The following TRAPPC9 variants were observed in gnomAD, a reference collection of about 807,000 sequenced individuals.
TRAPPC9 encodes trafficking protein particle complex subunit 9.
In TRAPPC9, 83 loss-of-function variants were observed where a neutral mutation model predicts 124.0. The observed-to-expected ratio is 0.67, with a 90% CI of 0.56 to 0.80. TRAPPC9 has a LOEUF of 0.80. Among genes scored for constraint, TRAPPC9 ranks in the 30% least tolerant of loss-of-function variants. TRAPPC9 has a pLI of 0.00. For missense variants in TRAPPC9, 1,302 were observed against 1,508.3 expected, an observed-to-expected ratio of 0.86 and a Z score of 2.27; for synonymous variants, 638 against 617.5, an observed-to-expected ratio of 1.03 and a Z score of -0.49.
chr8:139,852,793 T>C (rs919619735), intron 21 of TRAPPC9, among the ~76,000 whole-genome samples: 1 of 152,210 alleles, frequency 6.6e-6, no homozygotes, highest in African/African-American at 2.4e-5. Context: ...GATGTGTGTT[T>C]CTGATTGATG....
chr8:139,860,407 T>A (rs929228056), intron 21 of TRAPPC9, among the ~76,000 whole-genome samples: 6 of 152,328 alleles, frequency 3.9e-5, no homozygotes, highest in African/African-American at 1.4e-4. Flanking sequence ...GCTGCCATCA[T>A]AATTCTGTGC....
chr8:139,761,655 G>C (rs1177231889), intron 21 of TRAPPC9, among the ~76,000 whole-genome samples: 6 of 152,062 alleles, frequency 3.9e-5, no homozygotes, highest in African/African-American at 2.4e-5. Flanking sequence ...CAGCAAACTT[G>C]ATGACCTTGC....
At chr8:139,901,678 GGCTTCC>G in intron 20 of TRAPPC9, among the ~76,000 whole-genome samples, 1 of 152,232 alleles carries the variant, frequency 6.6e-6, no homozygotes, top group East Asian at 1.9e-4. Flanking sequence ...CATCTCCATA[GGCTTCC>G]TCTGGTAAGT....
At chr8:139,877,964 T>A (rs1829435760) in intron 21 of TRAPPC9, among the ~76,000 whole-genome samples, 1 of 152,184 alleles carries the variant, frequency 6.6e-6, no homozygotes. Context: ...GCTGTCATCA[T>A]CACACAATAA....
At chr8:140,405,854 T>C (rs2069470418) in intron 5 of TRAPPC9, among the ~76,000 whole-genome samples, 156 bp from the exon 6 acceptor site, 2 of 152,266 alleles carry the variant, frequency 1.3e-5, no homozygotes, top group Non-Finnish European at 2.9e-5. Context: ...CTTCCTATAA[T>C]AGCCTTGCTA....
chr8:140,420,742 T>C (rs934871456), intron 5 of TRAPPC9, among the ~76,000 whole-genome samples: 2 of 152,144 alleles, frequency 1.3e-5, no homozygotes, highest in Non-Finnish European at 2.9e-5. Flanking sequence ...GAAAAATAAC[T>C]TATAAATAAG....
intron 17 of TRAPPC9, among the ~76,000 whole-genome samples, chr8:140,066,553 C>T (rs1304887281): frequency 6.6e-6 from 1 of 152,156 alleles, no homozygotes; most frequent in East Asian, 1.9e-4. Context: ...AAATGTCTGT[C>T]TGAGAAAATG....
At chr8:139,986,073 T>C (rs900225413) in intron 19 of TRAPPC9, among the ~76,000 whole-genome samples, 6 of 152,036 alleles carry the variant, frequency 3.9e-5, no homozygotes, top group Admixed American at 2.0e-4. Context: ...TGAAATCCCA[T>C]CTCTACTAAA....
chr8:139,775,168 T>C (rs1439505747), intron 21 of TRAPPC9, among the ~76,000 whole-genome samples: 1 of 152,020 alleles, frequency 6.6e-6, no homozygotes, highest in Non-Finnish European at 1.5e-5. Flanking sequence ...CAGACTCACA[T>C]CCACCCAGGG....
chr8:139,772,564 G>C (rs554948431), intron 21 of TRAPPC9, among the ~76,000 whole-genome samples: 40 of 152,324 alleles, frequency 2.6e-4, no homozygotes, highest in African/African-American at 8.9e-4. Context: ...CCACTGCCTT[G>C]CCTGGAGTCG....
intron 21 of TRAPPC9, among the ~76,000 whole-genome samples, chr8:139,809,596 T>C (rs2130736110): frequency 6.6e-6 from 1 of 152,290 alleles, no homozygotes; most frequent in South Asian, 2.1e-4. Context: ...TAATTTTGCC[T>C]GCTGGCATCT....
intron 21 of TRAPPC9, among the ~76,000 whole-genome samples, chr8:139,865,582 G>C (rs1180881510): frequency 6.6e-6 from 1 of 152,174 alleles, no homozygotes; most frequent in African/African-American, 2.4e-5. Flanking sequence ...ATGAGTAAGA[G>C]TGAATGGCAA....
At chr8:139,866,009 G>A (rs1828509283) in intron 21 of TRAPPC9, among the ~76,000 whole-genome samples, 1 of 135,972 alleles carries the variant, frequency 7.4e-6, no homozygotes, top group South Asian at 2.3e-4. Context: ...TTCCAAAGGG[G>A]TGGGGACATG....
Position 140,009,151 on chromosome 8 carries a change from G to GA in TRAPPC9, c.2699+14785dup, listed in dbSNP as rs933980688. On this transcript the variant is annotated intron_variant, in intron 18 of 22. Transcript: ENST00000438773. The stretch of plus-strand genomic sequence containing the variant: ...TGCCCTGTAGAAATGTACTTATCAT[G>GA]AAAAAAAAGGAAAGTCTTAAGTCCT... 2.6e-5 allele frequency among the ~76,000 whole-genome samples: 4 copies of GA among 151,770 alleles called. No individual in the cohort carries two copies. The East Asian group carries it at 5.8e-4, about 22-fold the overall frequency.
At chr8:139,840,321 C>T (rs913649393) in intron 21 of TRAPPC9, among the ~76,000 whole-genome samples, 15 of 152,238 alleles carry the variant, frequency 9.9e-5, no homozygotes, top group Admixed American at 2.6e-4. Context: ...TGTCCCCTCA[C>T]TCATTCATTT....
chr8:139,847,823 C>T (rs1827192893), intron 21 of TRAPPC9, among the ~76,000 whole-genome samples: 1 of 152,222 alleles, frequency 6.6e-6, no homozygotes. Context: ...ACGGCCCGGC[C>T]TGGGGATGGG....
At chr8:139,731,957 C>A in intron 22 of TRAPPC9, 22 bp downstream of exon 22, 4 of 1,554,562 alleles carry the variant, frequency 2.6e-6, no homozygotes, top group Non-Finnish European at 3.5e-6. Context: ...GCTCCCAGAC[C>A]GCCTTGCACA....
At chr8:139,745,030 A>G (rs1252320083) in intron 21 of TRAPPC9, among the ~76,000 whole-genome samples, 1 of 152,122 alleles carries the variant, frequency 6.6e-6, no homozygotes, top group East Asian at 1.9e-4. Flanking sequence ...AGCTCCGGAG[A>G]GGAGAAGGAC....
chr8:139,964,111 C>T (rs1246079118), intron 19 of TRAPPC9, among the ~76,000 whole-genome samples: 1 of 151,130 alleles, frequency 6.6e-6, no homozygotes, highest in Non-Finnish European at 1.5e-5. Context: ...GTAGTCCCAG[C>T]TACTTGGGAG....
Sources: gnomAD v4.1 joint callset for allele counts (sites outside exome capture counted in the v4.1 genomes callset) on GRCh38, gnomAD v4.1.1 for gene constraint, MANE v1.5 for transcripts, NCBI Gene and HGNC (gene_info 2026-07-23, HGNC 2026-07-21) for gene names.